The following GRM8 variants were observed in gnomAD, a reference collection of about 807,000 sequenced individuals.
The protein encoded by GRM8 is glutamate metabotropic receptor 8.
Under a neutral mutation model 87.2 loss-of-function variants are expected in GRM8, and 47 were observed. That is an observed-to-expected ratio of 0.54 (90% CI 0.43 to 0.69). GRM8 has a LOEUF of 0.69. GRM8 is among the 30% of genes least tolerant of loss of function. GRM8 has a pLI of 0.00. For synonymous variants in GRM8, 396 were observed against 404.5 expected, an observed-to-expected ratio of 0.98 and a Z score of 0.25; for missense variants, 1,019 against 1,139.2, an observed-to-expected ratio of 0.89 and a Z score of 1.52.
chr7:126,753,331 C>T (rs557378241), intron 7 of GRM8, among the ~76,000 whole-genome samples: 1 of 151,790 alleles, frequency 6.6e-6, no homozygotes, highest in Non-Finnish European at 1.5e-5. Flanking sequence ...CTCTTAGTTG[C>T]TCTACTACAC....
intron 7 of GRM8, among the ~76,000 whole-genome samples, chr7:126,686,004 C>T (rs1808144414): frequency 1.3e-5 from 2 of 151,684 alleles, no homozygotes; most frequent in Admixed American, 6.6e-5. Flanking sequence ...CAGACTCAGC[C>T]AGACTCAAGC....
chr7:127,239,029 T>A (rs1276589409), intron 2 of GRM8, among the ~76,000 whole-genome samples: 1 of 152,076 alleles, frequency 6.6e-6, no homozygotes, highest in Non-Finnish European at 1.5e-5. Context: ...TTGCATCAGG[T>A]TTTGATTAGG....
chr7:126,959,067 G>A (rs1353228165), intron 3 of GRM8, among the ~76,000 whole-genome samples: 4 of 152,172 alleles, frequency 2.6e-5, no homozygotes, highest in African/African-American at 9.7e-5. Flanking sequence ...AAGATAAAAG[G>A]AGATGAGGCC....
intron 7 of GRM8, among the ~76,000 whole-genome samples, chr7:126,634,034 G>T (rs1801612992): frequency 6.6e-6 from 1 of 151,966 alleles, no homozygotes; most frequent in South Asian, 2.1e-4. Context: ...TTTTACAGAA[G>T]ATAAACTACA....
chr7:126,811,242 C>T (rs1254766025), intron 6 of GRM8, among the ~76,000 whole-genome samples: 1 of 152,038 alleles, frequency 6.6e-6, no homozygotes, highest in Non-Finnish European at 1.5e-5. Flanking sequence ...TGTTTTTATA[C>T]TGGTACCATG....
chr7:126,559,681 G>A (rs1167915223), intron 8 of GRM8, among the ~76,000 whole-genome samples: 1 of 152,126 alleles, frequency 6.6e-6, no homozygotes, highest in Non-Finnish European at 1.5e-5. Flanking sequence ...TTTAGAATCA[G>A]AACTAAAAAA....
chr7:126,789,090 C>T (rs139322786), intron 6 of GRM8, among the ~76,000 whole-genome samples: 8 of 152,212 alleles, frequency 5.3e-5, no homozygotes, highest in African/African-American at 1.9e-4. Flanking sequence ...TTAGCATAGA[C>T]TTAATTTGTC....
chr7:126,867,435 T>C (rs1434869196), intron 6 of GRM8, among the ~76,000 whole-genome samples: 1 of 152,240 alleles, frequency 6.6e-6, no homozygotes, highest in Non-Finnish European at 1.5e-5. Context: ...GACATTTAGT[T>C]GTATTGACTG....
intron 3 of GRM8, among the ~76,000 whole-genome samples, chr7:127,081,893 G>T (rs1045062843): frequency 2.4e-4 from 37 of 152,194 alleles, no homozygotes; most frequent in Non-Finnish European, 1.5e-5. Context: ...ATTTCTGAAG[G>T]TATCAGCAGT....
intron 6 of GRM8, among the ~76,000 whole-genome samples, chr7:126,788,194 G>A (rs1820833584): frequency 6.6e-6 from 1 of 151,794 alleles, no homozygotes; most frequent in Non-Finnish European, 1.5e-5. Context: ...AGGATTACCT[G>A]AGGTCAGGAT....
chr7:127,248,040 T>G (rs1053566864), intron 1 of GRM8, among the ~76,000 whole-genome samples: 3 of 152,212 alleles, frequency 2.0e-5, no homozygotes, highest in African/African-American at 7.2e-5. Flanking sequence ...CAGGTTTCCT[T>G]TAAATAGCTA....
intron 3 of GRM8, among the ~76,000 whole-genome samples, chr7:126,947,890 G>A (rs888209155): frequency 1.1e-4 from 17 of 152,172 alleles, no homozygotes; most frequent in South Asian, 2.1e-4. Flanking sequence ...AGGATGAGCC[G>A]TTAGAGGAAA....
chr7:127,047,992 T>C (rs560729782), intron 3 of GRM8, among the ~76,000 whole-genome samples: 1 of 152,232 alleles, frequency 6.6e-6, no homozygotes, highest in Non-Finnish European at 1.5e-5. Context: ...CAAACATCTA[T>C]TGAATGCTAT....
intron 3 of GRM8, among the ~76,000 whole-genome samples, chr7:126,964,341 C>T (rs1170948876): frequency 1.3e-5 from 2 of 152,134 alleles, no homozygotes; most frequent in Non-Finnish European, 2.9e-5. Context: ...AGCTTCTGCA[C>T]AGCAGAAGAA....
At chr7:126,652,255 G>A (rs906834243) in intron 7 of GRM8, among the ~76,000 whole-genome samples, 3 of 152,154 alleles carry the variant, frequency 2.0e-5, no homozygotes, top group Non-Finnish European at 2.9e-5. Flanking sequence ...CTGGTTGTAC[G>A]AAGGATAGCT....
intron 8 of GRM8, among the ~76,000 whole-genome samples, chr7:126,574,256 A>G (rs988400388): frequency 2.6e-5 from 4 of 152,200 alleles, no homozygotes; most frequent in African/African-American, 9.6e-5. Flanking sequence ...CATTACATCA[A>G]AACCATTACT....
At chr7:127,062,946 A>C (rs541000724) in intron 3 of GRM8, among the ~76,000 whole-genome samples, 2 of 151,746 alleles carry the variant, frequency 1.3e-5, no homozygotes, top group African/African-American at 2.4e-5. Context: ...TATTTTATTA[A>C]TTTTTTTCCC....
intron 9 of GRM8, among the ~76,000 whole-genome samples, chr7:126,506,859 T>C (rs1810553764): frequency 6.6e-6 from 1 of 152,006 alleles, no homozygotes; most frequent in African/African-American, 2.4e-5. Flanking sequence ...CAACAGGATA[T>C]GTATGTAACT....
intron 3 of GRM8, among the ~76,000 whole-genome samples, chr7:127,078,155 A>G (rs1822483669): frequency 6.6e-6 from 1 of 152,222 alleles, no homozygotes; most frequent in Non-Finnish European, 1.5e-5. Flanking sequence ...CCTCCTTAGA[A>G]CGTGGCAATA....
Sources: allele counts gnomAD v4.1 joint callset (sites outside exome capture counted in the v4.1 genomes callset), GRCh38; gene constraint gnomAD v4.1.1; transcripts MANE v1.5; gene names NCBI Gene and HGNC (gene_info 2026-07-23, HGNC 2026-07-21).